The following MLLT10 variants were observed in gnomAD, a reference collection of about 807,000 sequenced individuals.
MLLT10 encodes protein AF-10.
MLLT10 carries 30 observed loss-of-function variants against 129.1 expected under a neutral mutation model. That is an observed-to-expected ratio of 0.23 (90% CI 0.17 to 0.32). The LOEUF is 0.32. Ranked by LOEUF, MLLT10 falls within the 10% of genes least tolerant of loss-of-function variation. The pLI is 1.00. For missense variants in MLLT10, 1,119 were observed against 1,268.3 expected (o/e 0.88, Z 1.79); for synonymous variants, 490 against 446.4 (o/e 1.10, Z -1.23).
chr10:21,618,029 A>G (rs1732462841), intron 8 of MLLT10, among the ~76,000 whole-genome samples: 1 of 152,150 alleles, frequency 6.6e-6, no homozygotes, highest in Non-Finnish European at 1.5e-5. Flanking sequence ...AAATGAATCT[A>G]TTATGAATTG....
intron 6 of MLLT10, among the ~76,000 whole-genome samples, chr10:21,613,739 C>T (rs2044913162): frequency 6.6e-6 from 1 of 151,694 alleles, no homozygotes. Flanking sequence ...CCCATCTCTA[C>T]TACAAATATG....
intron 11 of MLLT10, among the ~76,000 whole-genome samples, chr10:21,676,794 A>G (rs1186820230): frequency 1.3e-5 from 2 of 151,178 alleles, no homozygotes; most frequent in African/African-American, 4.9e-5. Context: ...TAAAGCTATA[A>G]TCATGGAATA....
chr10:21,742,729 T>C lies in MLLT10; in HGVS notation c.*746T>C. 1 of 226,674 alleles carries C rather than the reference T, an allele frequency of 4.4e-6. No homozygotes were observed. Among genetic ancestry groups the C allele is most frequent in the East Asian group, 6.4e-5 (1 of 15,746 alleles). The allele number at this position is 226,674 out of a possible 1,614,324, so 14.0% of individuals were successfully genotyped here. A position where few individuals can be genotyped will look rare whatever the true frequency, so the allele number is the denominator to read the frequency against. ...AGATCAATTCAAAGCTAAATACTTCTTTCAGAAAGGGGCCACTGTGGAAAG... is the reference window on the plus strand; with the variant it reads ...AGATCAATTCAAAGCTAAATACTTCCTTCAGAAAGGGGCCACTGTGGAAAG... On this transcript the variant is annotated 3_prime_UTR_variant, in exon 23 of 23. Transcript: ENST00000307729.
intron 2 of MLLT10, 150 bp downstream of exon 2, chr10:21,534,954 G>A: frequency 9.9e-6 from 3 of 303,252 alleles, no homozygotes; most frequent in Non-Finnish European, 9.7e-6. Flanking sequence ...GGGGGTGTGG[G>A]CCGCGCATGT....
chr10:21,606,331 T>G (rs1254193729), intron 5 of MLLT10, among the ~76,000 whole-genome samples: 1 of 152,202 alleles, frequency 6.6e-6, no homozygotes, highest in African/African-American at 2.4e-5. Context: ...GCTAACAACA[T>G]CCATCCTGCA....
chr10:21,543,894 C>T (rs2035645312), intron 3 of MLLT10, among the ~76,000 whole-genome samples: 1 of 152,118 alleles, frequency 6.6e-6, no homozygotes, highest in Admixed American at 6.6e-5. Flanking sequence ...TGTATTTCAC[C>T]CAGAAAGGGA....
At chr10:21,688,037 ACT>A (rs1407449881) in intron 13 of MLLT10, among the ~76,000 whole-genome samples, 1 of 152,048 alleles carries the variant, frequency 6.6e-6, no homozygotes, top group South Asian at 2.1e-4. Flanking sequence ...GGCTTCAAAG[ACT>A]CTTAAGGGAT....
chr10:21,664,451 C>CT (rs1248057513), intron 9 of MLLT10, among the ~76,000 whole-genome samples: 1 of 151,528 alleles, frequency 6.6e-6, no homozygotes, highest in Non-Finnish European at 1.5e-5. Flanking sequence ...GTAGCTGGGA[C>CT]TTACCCAGCT....
intron 9 of MLLT10, among the ~76,000 whole-genome samples, chr10:21,664,944 CTTTTTTTTTTT>C (rs146373535): frequency 0.022 from 2,633 of 119,440 alleles, 45 homozygotes; most frequent in Non-Finnish European, 0.031. Context: ...TTTTTCTTTT[CTTTTTTTTTTT>C]TTTTTTTTGA....
At chr10:21,619,646 T>A (rs772113168) in intron 8 of MLLT10, among the ~76,000 whole-genome samples, 4 of 152,236 alleles carry the variant, frequency 2.6e-5, no homozygotes, top group Admixed American at 2.6e-4. Flanking sequence ...TTCGCATATA[T>A]AAGTTTAATA....
intron 3 of MLLT10, among the ~76,000 whole-genome samples, chr10:21,560,485 GAAGTGCAGTGGCTT>G (rs2038664469): frequency 6.6e-6 from 1 of 152,050 alleles, no homozygotes; most frequent in Non-Finnish European, 1.5e-5. Flanking sequence ...ATTCAGCATT[GAAGTGCAGTGGCTT>G]AAACATGGCT....
chr10:21,625,494 A>T (rs981122145), intron 8 of MLLT10: 3 of 990,674 alleles, frequency 3.0e-6, no homozygotes, highest in Non-Finnish European at 4.9e-6. Flanking sequence ...ATTCAACTGT[A>T]ACTACATTTC....
intron 4 of MLLT10, among the ~76,000 whole-genome samples, chr10:21,594,980 G>A (rs958305551): frequency 1.8e-4 from 28 of 151,914 alleles, no homozygotes; most frequent in African/African-American, 4.4e-4. Context: ...AAATTTTGTC[G>A]TAAGTATTAA....
At chr10:21,605,159 A>T (rs2043936149) in intron 5 of MLLT10, among the ~76,000 whole-genome samples, 1 of 152,030 alleles carries the variant, frequency 6.6e-6, no homozygotes, top group African/African-American at 2.4e-5. Flanking sequence ...TACCTTAAAC[A>T]TGCTTAGAAC....
intron 5 of MLLT10, among the ~76,000 whole-genome samples, chr10:21,611,362 GTT>G (rs879746203): frequency 6.3e-5 from 9 of 143,480 alleles, no homozygotes; most frequent in African/African-American, 2.3e-4. Context: ...TAGATAATTA[GTT>G]TTTTTTTTTT....
At chr10:21,639,476 A>G (rs115841277) in intron 8 of MLLT10, among the ~76,000 whole-genome samples, 1 of 152,096 alleles carries the variant, frequency 6.6e-6, no homozygotes, top group Non-Finnish European at 1.5e-5. Context: ...GGAAACCCTT[A>G]CTTATGTTTA....
chr10:21,671,545 T>A (rs2051404869), intron 10 of MLLT10, among the ~76,000 whole-genome samples: 2 of 152,112 alleles, frequency 1.3e-5, no homozygotes, highest in Admixed American at 1.3e-4. Flanking sequence ...CCCAGTATTA[T>A]GAGGCTCAGT....
chr10:21,618,851 G>A (rs2045526728), intron 8 of MLLT10, among the ~76,000 whole-genome samples: 1 of 151,974 alleles, frequency 6.6e-6, no homozygotes, highest in Admixed American at 6.6e-5. Flanking sequence ...TCGTGCCTCA[G>A]CCTACCTAGT....
In MLLT10 at chr10:21,624,802, C is replaced by T. The variant is rs2046261973; in HGVS notation, c.699+7595C>T. On this transcript the variant is annotated intron_variant, in intron 8 of 22. Transcript: ENST00000307729. ...GCGTCCTACATTGTCCCCTGATTGC[C>T]CTGAGATCCACGGGAACCACGGCCA... The T allele has an allele frequency of 4.6e-6, 5 of 1,081,542 alleles. No homozygotes were observed. In the South Asian group the frequency reaches 7.2e-5, roughly 16 times the overall value. The allele number at this position is 1,081,542 out of a possible 1,614,324, so 67.0% of individuals were successfully genotyped here.
Sources: gnomAD v4.1 joint callset for allele counts (sites outside exome capture counted in the v4.1 genomes callset) on GRCh38, gnomAD v4.1.1 for gene constraint, MANE v1.5 for transcripts, NCBI Gene and HGNC (gene_info 2026-07-23, HGNC 2026-07-21) for gene names.